The following SHISA5 variants were observed in gnomAD, a reference collection of about 807,000 sequenced individuals.
SHISA5 encodes the protein shisa family member 5.
SHISA5 carries 21 observed loss-of-function variants against 27.5 expected under a neutral mutation model. The observed-to-expected ratio is 0.76, with a 90% CI of 0.54 to 1.10. The LOEUF (loss-of-function observed/expected upper bound fraction) is 1.10, where lower values mean the gene tolerates loss of function less well. Among genes scored for constraint, SHISA5 ranks in the 50% least tolerant of loss-of-function variants. The probability of loss-of-function intolerance (pLI) is 0.00; values close to 1 mark genes in which losing one functional copy is unlikely to be tolerated. For synonymous variants in SHISA5, 137 were observed against 142.2 expected (o/e 0.96, Z 0.26); for missense variants, 314 against 336.3 (o/e 0.93, Z 0.52).
intron 2 of SHISA5, among the ~76,000 whole-genome samples, chr3:48,492,090 T>C (rs972640114): frequency 3.0e-5 from 4 of 134,670 alleles, no homozygotes; most frequent in African/African-American, 8.7e-5. Flanking sequence ...GGTGTGGAGG[T>C]TGCAGTGAGC....
intron 2 of SHISA5, among the ~76,000 whole-genome samples, chr3:48,488,432 TTAGCC>T (rs2041317787): frequency 6.6e-6 from 1 of 151,264 alleles, no homozygotes; most frequent in African/African-American, 2.4e-5. Flanking sequence ...TTTCACCATG[TTAGCC>T]AGGATGGTCT....
Position 48,479,469 on chromosome 3 carries a change from CAT to C in SHISA5, c.234-214_234-213del, listed in dbSNP as rs1226959128. Reference sequence around the variant, plus strand: ...CCACCAGACTGTCTCCAGGAGAGAACATATGTTAGGCCACAAAACAAGTCTCA... The same window carrying C: ...CCACCAGACTGTCTCCAGGAGAGAACATGTTAGGCCACAAAACAAGTCTCA... On this transcript the variant is annotated intron_variant, in intron 2 of 5. Transcript: ENST00000296444. 3 of 568,130 alleles carry C rather than the reference CAT, an allele frequency of 5.3e-6. No individual in the cohort carries two copies. The African/African-American group carries it at 5.6e-5, about 11-fold the overall frequency. 35.2% of individuals were successfully genotyped at this position (568,130 alleles called of 1,614,324 possible). A position where few individuals can be genotyped will look rare whatever the true frequency, so the allele number is the denominator to read the frequency against.
rs868327020 is a variant in SHISA5 at position 48,486,518 on chromosome 3, A to C, written c.234-7261T>G. Among the ~76,000 whole-genome samples, 931 of 118,148 alleles carry C rather than the reference A, an allele frequency of 7.9e-3. 10 individuals carry two copies. The highest frequency in any genetic ancestry group is 0.03 in the African/African-American group (903 of 30,222). The allele number at this position is 118,148 out of a possible 152,430, so 77.5% of individuals were successfully genotyped here. A position where few individuals can be genotyped will look rare whatever the true frequency, so the allele number is the denominator to read the frequency against. On this transcript the variant is annotated intron_variant, in intron 2 of 5. Transcript: ENST00000296444. ...TATATTTATAATTATATAATATACA[A>C]TATATATAATATAATTATAAATATA...
intron 2 of SHISA5, among the ~76,000 whole-genome samples, chr3:48,481,773 G>C (rs2041026900): frequency 6.7e-6 from 1 of 148,388 alleles, no homozygotes; most frequent in South Asian, 2.2e-4. Context: ...GGTGAAAAGA[G>C]CAAGACTGTC....
chr3:48,473,123 A>C lies in SHISA5; in HGVS notation c.315-3280T>G, dbSNP rs2040700224. Reference sequence around the variant, plus strand: ...CTCCCCTTTTGGAGAAAAAGAAAGCAAATCTCCTCCAGATGACGTCAGCCA... The same window carrying C: ...CTCCCCTTTTGGAGAAAAAGAAAGCCAATCTCCTCCAGATGACGTCAGCCA... On this transcript the variant is annotated intron_variant, in intron 3 of 5. Coordinates refer to ENST00000296444, the MANE Select transcript of SHISA5 (RefSeq NM_016479.6). The surrounding 1 kb of genome is among the most constrained non-coding windows in gnomAD (Gnocchi z 4.3). The C allele has an allele frequency of 1.4e-6, 2 of 1,474,468 alleles. No homozygotes were observed. Among genetic ancestry groups the C allele is most frequent in the Non-Finnish European group, 1.8e-6 (2 of 1,116,902 alleles). 91.3% of individuals were successfully genotyped at this position (1,474,468 alleles called of 1,614,324 possible).
At chr3:48,493,414 A>G (rs1418476033) in intron 2 of SHISA5, among the ~76,000 whole-genome samples, 1 of 146,368 alleles carries the variant, frequency 6.8e-6, no homozygotes, top group Non-Finnish European at 1.5e-5. Flanking sequence ...AGACTGTGCC[A>G]CTGCACTACA....
At chr3:48,478,192 G>A (rs2040885431) in intron 3 of SHISA5, among the ~76,000 whole-genome samples, 1 of 152,200 alleles carries the variant, frequency 6.6e-6, no homozygotes, top group South Asian at 2.1e-4. Context: ...TGGAGGGGAA[G>A]GCCTGTAGAG....
chr3:48,501,892 A>C, intron 1 of SHISA5, among the ~76,000 whole-genome samples: 3 of 131,850 alleles, frequency 2.3e-5, no homozygotes, highest in African/African-American at 9.1e-5. Flanking sequence ...ACAGAGTCTC[A>C]CTCTGTTGCC....
chr3:48,503,994 C>T, intron 1 of SHISA5, 25 bp downstream of exon 1: 1 of 1,456,768 alleles, frequency 6.9e-7, no homozygotes, highest in Non-Finnish European at 9.1e-7. Flanking sequence ...CAGGGCAGGA[C>T]GGGCCGCCCC....
chr3:48,496,488 T>TG (rs1336971435), intron 2 of SHISA5, among the ~76,000 whole-genome samples: 1 of 151,862 alleles, frequency 6.6e-6, no homozygotes, highest in African/African-American at 2.4e-5. Flanking sequence ...CCCGGCTACA[T>TG]GGGAGGCTGA....
chr3:48,487,684 A>G (rs2041291955), intron 2 of SHISA5, among the ~76,000 whole-genome samples: 1 of 152,074 alleles, frequency 6.6e-6, no homozygotes, highest in Admixed American at 6.6e-5. Context: ...CACCTGAGGT[A>G]AGGAGTTCAA....
intron 3 of SHISA5, among the ~76,000 whole-genome samples, chr3:48,478,608 T>C (rs1468827814): frequency 6.6e-6 from 1 of 152,092 alleles, no homozygotes; most frequent in Non-Finnish European, 1.5e-5. Flanking sequence ...GGACTGGGGT[T>C]TGGGGGCTGG....
rs537110370 is a variant in SHISA5, at chr3:48,481,901, A to T, written c.234-2644T>A. Among the ~76,000 whole-genome samples, 4 of 151,572 alleles carry T rather than the reference A, an allele frequency of 2.6e-5. No individual in the cohort carries two copies. The East Asian group carries it at 5.8e-4, about 22-fold the overall frequency. On this transcript the variant is annotated intron_variant, in intron 2 of 5. Coordinates refer to ENST00000296444, the MANE Select transcript of SHISA5 (RefSeq NM_016479.6). Reference sequence around the variant, plus strand: ...GCTAACACAGTGAAACCCTGTCTCTACTAAAAATACAAAAAAAATTAGCCA... The same window carrying T: ...GCTAACACAGTGAAACCCTGTCTCTTCTAAAAATACAAAAAAAATTAGCCA...
chr3:48,480,815 C>A (rs960710004), intron 2 of SHISA5, among the ~76,000 whole-genome samples: 2 of 152,068 alleles, frequency 1.3e-5, no homozygotes, highest in African/African-American at 4.8e-5. Context: ...ATGATATGGG[C>A]CAGGGGAAGT....
At chr3:48,503,138 G>T (rs1489190565) in intron 1 of SHISA5, 1 of 1,289,696 alleles carries the variant, frequency 7.8e-7, no homozygotes, top group Non-Finnish European at 1.0e-6. Flanking sequence ...TGGTGGCTCA[G>T]GTGAACCCAT....
chr3:48,473,549 G>A lies in SHISA5; in HGVS notation c.315-3706C>T. On this transcript the variant is annotated intron_variant, in intron 3 of 5. Coordinates refer to ENST00000296444, the MANE Select transcript of SHISA5 (RefSeq NM_016479.6). The surrounding 1 kb of genome is among the most constrained non-coding windows in gnomAD (Gnocchi z 4.3). The stretch of plus-strand genomic sequence containing the variant: ...GAGCAAAGTCCAGCCTGTCCCTTTA[G>A]CTCCTCCTCTCCCACCAGCACTCTC... 7.8e-7 allele frequency: 1 copy of A among 1,280,756 alleles called. No individual in the cohort carries two copies. Among genetic ancestry groups the A allele is most frequent in the South Asian group, 1.2e-5 (1 of 80,242 alleles). 79.3% of individuals were successfully genotyped at this position (1,280,756 alleles called of 1,614,324 possible).
chr3:48,487,466 T>G (rs879722115), intron 2 of SHISA5, among the ~76,000 whole-genome samples: 7 of 152,254 alleles, frequency 4.6e-5, no homozygotes, highest in African/African-American at 7.2e-5. Context: ...CATAGTTTTC[T>G]GTGTAGAAAT....
At position 48,473,409 on chromosome 3, in the gene SHISA5, C is replaced by T; in HGVS notation, c.315-3566G>A. 7.6e-6 allele frequency: 10 copies of T among 1,313,364 alleles called. No individual in the cohort carries two copies. The highest frequency in any genetic ancestry group is 1.0e-5 in the Non-Finnish European group (10 of 1,004,966). 81.4% of individuals were successfully genotyped at this position (1,313,364 alleles called of 1,614,324 possible). ...ACCACACTCTAGCTCAGCAGCACCC[C>T]CACCCCCACTTCCACCTAACCCACC... On this transcript the variant is annotated intron_variant, in intron 3 of 5. Coordinates refer to ENST00000296444, the MANE Select transcript of SHISA5 (RefSeq NM_016479.6). This position sits in a 1 kb window ranked among gnomAD's most constrained non-coding sequence, Gnocchi z 4.3.
intron 2 of SHISA5, among the ~76,000 whole-genome samples, chr3:48,492,403 G>A (rs2041463201): frequency 6.7e-6 from 1 of 148,566 alleles, no homozygotes; most frequent in African/African-American, 2.6e-5. Context: ...CCGGGAGGCG[G>A]AGCTTGCAGT....
Sources: allele counts gnomAD v4.1 joint callset (sites outside exome capture counted in the v4.1 genomes callset), GRCh38; gene constraint gnomAD v4.1.1; non-coding constraint Gnocchi (gnomAD v3.1); transcripts MANE v1.5; gene names NCBI Gene and HGNC (gene_info 2026-07-23, HGNC 2026-07-21).